PRKN: variants seen among roughly 807,000 people sequenced by gnomAD.
The protein encoded by PRKN is parkin RBR E3 ubiquitin protein ligase.
A neutral mutation model predicts 59.5 loss-of-function variants in PRKN; 56 were observed. The ratio of observed to expected loss-of-function variants is 0.94; its 90% CI spans 0.76 to 1.18. The LOEUF (loss-of-function observed/expected upper bound fraction) is 1.18. Among genes scored for constraint, PRKN ranks in the 50% most tolerant of loss-of-function variants. The probability of loss-of-function intolerance (pLI) is 0.00; values close to 1 mark genes in which losing one functional copy is unlikely to be tolerated. For missense variants in PRKN, 657 were observed against 596.4 expected, an observed-to-expected ratio of 1.10 and a Z score of -1.06; for synonymous variants, 250 against 222.1, an observed-to-expected ratio of 1.13 and a Z score of -1.12.
intron 7 of PRKN, among the ~76,000 whole-genome samples, chr6:161,779,435 C>CTTTTTTTTTTTTTTTTTTTT: frequency 2.5e-5 from 1 of 40,432 alleles, no homozygotes; most frequent in East Asian, 8.1e-4. Flanking sequence ...TTTTTCTTTT[C>CTTTTTTTTTTTTTTTTTTTT]TTTTCTTTTT....
chr6:161,465,098 C>A (rs940222338), intron 9 of PRKN, among the ~76,000 whole-genome samples: 5 of 152,168 alleles, frequency 3.3e-5, no homozygotes, highest in Non-Finnish European at 5.9e-5. Context: ...TGCAAAAAGT[C>A]GCAGCGACAG....
At chr6:162,282,314 C>T (rs1480666251) in intron 2 of PRKN, among the ~76,000 whole-genome samples, 1 of 151,110 alleles carries the variant, frequency 6.6e-6, no homozygotes, top group Non-Finnish European at 1.5e-5. Context: ...GACTTCCATA[C>T]AAGAAGAGTA....
At chr6:162,706,889 A>G (rs76901688) in intron 1 of PRKN, among the ~76,000 whole-genome samples, 2,427 of 152,262 alleles carry the variant, frequency 0.016, 67 homozygotes, top group African/African-American at 0.054. Context: ...GATTATATTG[A>G]CCATATACCA....
At chr6:162,501,631 C>A (rs1459506325) in intron 1 of PRKN, among the ~76,000 whole-genome samples, 1 of 151,864 alleles carries the variant, frequency 6.6e-6, no homozygotes, top group Non-Finnish European at 1.5e-5. Flanking sequence ...GCTGGGATTA[C>A]AGGTGTGAGC....
Position 161,555,434 on chromosome 6 carries a change from T to C in PRKN, c.934-6431A>G, listed in dbSNP as rs549954392. Among the ~76,000 whole-genome samples the C allele has an allele frequency of 8.0e-3, 1,216 of 152,312 alleles. 16 individuals are homozygous for C. Among genetic ancestry groups the C allele is most frequent in the African/African-American group, 0.023 (961 of 41,564 alleles). ...TCCTTTGCTGTTGCTCAGTTTTACATGAAATTAGTTCTCCTGAAATTTTAC... is the reference window on the plus strand; with the variant it reads ...TCCTTTGCTGTTGCTCAGTTTTACACGAAATTAGTTCTCCTGAAATTTTAC... On this transcript the variant is annotated intron_variant, in intron 8 of 11. Transcript: ENST00000366898.
intron 4 of PRKN, among the ~76,000 whole-genome samples, chr6:162,140,876 C>T (rs897054204): frequency 6.6e-6 from 1 of 152,178 alleles, no homozygotes; most frequent in East Asian, 1.9e-4. Flanking sequence ...CGCCTGTAAT[C>T]CCAGCTCTTT....
At chr6:162,584,328 T>C (rs927930979) in intron 1 of PRKN, among the ~76,000 whole-genome samples, 2 of 151,894 alleles carry the variant, frequency 1.3e-5, no homozygotes, top group African/African-American at 4.8e-5. Flanking sequence ...TTATCTGATA[T>C]ACCTTTAAAG....
In PRKN at chr6:162,482,643, AAAC is replaced by A. The variant is rs1272404948; in HGVS notation, c.8-39173_8-39171del. Among the ~76,000 whole-genome samples, 9 of 152,240 alleles carry A rather than the reference AAAC, an allele frequency of 5.9e-5. No homozygotes were observed. In the South Asian group the frequency reaches 8.3e-4, roughly 14 times the overall value. ...TAATTTTTTAAAGCCTTCATATTAA[AAAC>A]AACGAAAGAAAAATACATGAACCAA... On this transcript the variant is annotated intron_variant, in intron 1 of 11. Coordinates refer to ENST00000366898, the MANE Select transcript of PRKN (RefSeq NM_004562.3).
intron 7 of PRKN, among the ~76,000 whole-genome samples, chr6:161,746,698 G>A (rs1353503457): frequency 1.4e-5 from 2 of 143,122 alleles, no homozygotes; most frequent in African/African-American, 2.6e-5. Flanking sequence ...ATAGGTATAT[G>A]TATATATGTA....
rs1177332315 is a variant in PRKN at position 162,393,155 on chromosome 6, C to CTTTTTTTTTTT, written c.171+50144_171+50154dup. On this transcript the variant is annotated intron_variant, in intron 2 of 11. Coordinates refer to ENST00000366898, the MANE Select transcript of PRKN (RefSeq NM_004562.3). ...TGATACTGGGTGAGGATAGGAGATTCTTTTTTTTTTTTTTTTTTTTTTGAG... is the reference window on the plus strand; with the variant it reads ...TGATACTGGGTGAGGATAGGAGATTCTTTTTTTTTTTTTTTTTTTTTTTTTTTTTTTTTGAG... Among the ~76,000 whole-genome samples, 107 of 80,158 alleles carry CTTTTTTTTTTT rather than the reference C, an allele frequency of 1.3e-3. 9 individuals carry two copies. Among genetic ancestry groups the CTTTTTTTTTTT allele is most frequent in the East Asian group, 0.01 (17 of 1,682 alleles). 52.6% of individuals were successfully genotyped at this position (80,158 alleles called of 152,430 possible).
chr6:162,272,075 C>G (rs888827375), intron 2 of PRKN, among the ~76,000 whole-genome samples: 7 of 152,100 alleles, frequency 4.6e-5, no homozygotes, highest in Non-Finnish European at 1.0e-4. Context: ...CTTTCTGCTG[C>G]TCATGAGGAT....
chr6:161,947,798 T>G (rs1239005821), intron 6 of PRKN, among the ~76,000 whole-genome samples: 3 of 152,204 alleles, frequency 2.0e-5, no homozygotes, highest in Non-Finnish European at 4.4e-5. Context: ...TAACAAATAT[T>G]TGACTTACTC....
intron 4 of PRKN, among the ~76,000 whole-genome samples, chr6:162,087,132 G>A (rs994270898): frequency 1.3e-5 from 2 of 152,158 alleles, no homozygotes; most frequent in African/African-American, 4.8e-5. Context: ...AGAAAATACA[G>A]ATACATCCCC....
chr6:162,144,885 C>T (rs142021944), intron 4 of PRKN, among the ~76,000 whole-genome samples: 13 of 152,128 alleles, frequency 8.5e-5, no homozygotes, highest in African/African-American at 2.2e-4. Flanking sequence ...AGTGAAACGA[C>T]GAGGATGAAC....
intron 7 of PRKN, among the ~76,000 whole-genome samples, chr6:161,676,334 C>G (rs1785086463): frequency 6.6e-6 from 1 of 152,174 alleles, no homozygotes; most frequent in African/African-American, 2.4e-5. Context: ...ATCAATGATT[C>G]AAGGTAAAGA....
chr6:161,424,515 G>T (rs184354265), intron 9 of PRKN, among the ~76,000 whole-genome samples: 1 of 152,168 alleles, frequency 6.6e-6, no homozygotes, highest in Non-Finnish European at 1.5e-5. Context: ...CCAAGTTAGG[G>T]CTTAGCTGGC....
intron 1 of PRKN, among the ~76,000 whole-genome samples, chr6:162,669,609 G>T (rs934771836): frequency 6.6e-6 from 1 of 152,110 alleles, no homozygotes; most frequent in Admixed American, 6.5e-5. Context: ...CTTTCTGGAT[G>T]CCAATAATTC....
chr6:162,488,914 T>C (rs2155497), intron 1 of PRKN, among the ~76,000 whole-genome samples: 22,994 of 152,090 alleles, frequency 0.15, 1,935 homozygotes, highest in Non-Finnish European at 0.18. Context: ...AGAACTCTGA[T>C]AGGTGATACT....
rs1241319619 is a variant in PRKN, at chr6:161,378,063, T to C, written c.1167+8731A>G. Among the ~76,000 whole-genome samples the C allele has an allele frequency of 6.6e-6, 1 of 151,966 alleles. No homozygotes were observed. The highest frequency in any genetic ancestry group is 1.5e-5 in the Non-Finnish European group (1 of 67,990). ...ACAAGCTCCTAAGCAGTGGCAAACGTCTTGGCAGCCTCTTTAAGGGCAGGG... is the reference window on the plus strand; with the variant it reads ...ACAAGCTCCTAAGCAGTGGCAAACGCCTTGGCAGCCTCTTTAAGGGCAGGG... On this transcript the variant is annotated intron_variant, in intron 10 of 11. Coordinates refer to ENST00000366898, the MANE Select transcript of PRKN (RefSeq NM_004562.3). This position sits in a 1 kb window ranked among gnomAD's most constrained non-coding sequence, Gnocchi z 7.3.
Sources: allele counts gnomAD v4.1 joint callset (sites outside exome capture counted in the v4.1 genomes callset), GRCh38; gene constraint gnomAD v4.1.1; non-coding constraint Gnocchi (gnomAD v3.1); transcripts MANE v1.5; gene names NCBI Gene and HGNC (gene_info 2026-07-23, HGNC 2026-07-21).